KREMEN1: variants seen among roughly 807,000 people sequenced by gnomAD.
The protein encoded by KREMEN1 is kringle containing transmembrane protein 1.
A neutral mutation model predicts 46.5 loss-of-function variants in KREMEN1; 30 were observed. That is an observed-to-expected ratio of 0.65 (90% CI 0.48 to 0.88). The LOEUF is 0.88. KREMEN1 is among the 40% of genes least tolerant of loss of function. The pLI, the probability that KREMEN1 is intolerant of heterozygous loss-of-function variation, is 0.00. For missense variants in KREMEN1, 533 were observed against 596.9 expected, an observed-to-expected ratio of 0.89 and a Z score of 1.11; for synonymous variants, 214 against 230.6, an observed-to-expected ratio of 0.93 and a Z score of 0.65.
At chr22:29,109,223 C>T (rs923725414) in intron 3 of KREMEN1, among the ~76,000 whole-genome samples, 1 of 152,118 alleles carries the variant, frequency 6.6e-6, no homozygotes, top group Non-Finnish European at 1.5e-5. Flanking sequence ...GTCACAGATA[C>T]AAATGTTCTA....
At chr22:29,113,738 C>G (rs1478780158) in intron 3 of KREMEN1, among the ~76,000 whole-genome samples, 12 of 152,140 alleles carry the variant, frequency 7.9e-5, no homozygotes, top group Non-Finnish European at 4.4e-5. Context: ...CAGTGCCCTT[C>G]AGAACATTAT....
chr22:29,149,456 C>T (rs1004917554), downstream of KREMEN1, among the ~76,000 whole-genome samples: 7 of 152,268 alleles, frequency 4.6e-5, no homozygotes, highest in East Asian at 3.9e-4. Flanking sequence ...CCACCGCGTC[C>T]GACCCATGAT....
At chr22:29,077,537 C>T (rs551881466) in intron 1 of KREMEN1, among the ~76,000 whole-genome samples, 7 of 152,216 alleles carry the variant, frequency 4.6e-5, no homozygotes, top group South Asian at 2.1e-4. Flanking sequence ...TTAGTAGAGA[C>T]GGGGTTTCAC....
chr22:29,124,413 T>C (rs1456360030), intron 4 of KREMEN1, among the ~76,000 whole-genome samples: 1 of 151,904 alleles, frequency 6.6e-6, no homozygotes, highest in African/African-American at 2.4e-5. Context: ...GGAGGGGGCC[T>C]ATAAAGCAAT....
At chr22:29,161,785 C>A (rs1198136934) in intron 9 of KREMEN1, among the ~76,000 whole-genome samples, 2 of 151,962 alleles carry the variant, frequency 1.3e-5, no homozygotes, top group African/African-American at 4.8e-5. Flanking sequence ...ATAGACACAA[C>A]AATCCTCAAC....
At chr22:29,138,422 T>C (rs1472443556) in intron 6 of KREMEN1, among the ~76,000 whole-genome samples, 4 of 152,218 alleles carry the variant, frequency 2.6e-5, no homozygotes, top group African/African-American at 4.8e-5. Context: ...TTCTGTGAAG[T>C]TGACAGGTTC....
At chr22:29,119,541 C>A (rs2038297148) in intron 3 of KREMEN1, among the ~76,000 whole-genome samples, 1 of 152,180 alleles carries the variant, frequency 6.6e-6, no homozygotes, top group Non-Finnish European at 1.5e-5. Context: ...CCAAGAGTTG[C>A]CTCATTAGAA....
chr22:29,098,185 C>T (rs1276018578), intron 2 of KREMEN1, among the ~76,000 whole-genome samples: 1 of 134,252 alleles, frequency 7.4e-6, no homozygotes, highest in Non-Finnish European at 1.6e-5. Flanking sequence ...GAGTTTGTCT[C>T]AAAAAAAAAA....
intron 5 of KREMEN1, among the ~76,000 whole-genome samples, chr22:29,132,004 C>A (rs1448128403): frequency 1.3e-5 from 2 of 149,570 alleles, no homozygotes; most frequent in Non-Finnish European, 3.0e-5. Flanking sequence ...TCCGGAGTAG[C>A]TGGGATTACA....
chr22:29,137,314 G>A, intron 5 of KREMEN1, 28 bp from the exon 6 acceptor site: 1 of 1,433,822 alleles, frequency 7.0e-7, no homozygotes, highest in East Asian at 2.4e-5. Context: ...CCCAGACTGA[G>A]GGCGTGGTGT....
At chr22:29,074,490 C>T (rs1288145514) in intron 1 of KREMEN1, among the ~76,000 whole-genome samples, 2 of 152,260 alleles carry the variant, frequency 1.3e-5, no homozygotes, top group Non-Finnish European at 2.9e-5. Context: ...TTAACTTCCA[C>T]ACGCAACCTT....
Position 29,113,600 on chromosome 22 carries a change from C to T in KREMEN1, c.353-7757C>T, listed in dbSNP as rs147787311. ...TTTCTCACAAGAACCCTTTGAGGTC[C>T]GTATTGATTCTCATTCCGCTGTTGA... On this transcript the variant is annotated intron_variant, in intron 3 of 8. Coordinates refer to ENST00000400335, the MANE Select transcript of KREMEN1 (RefSeq NM_001039570.3). Among the ~76,000 whole-genome samples, 8 of 152,222 alleles carry T rather than the reference C, an allele frequency of 5.3e-5. No homozygotes were observed. The South Asian group carries it at 6.2e-4, about 12-fold the overall frequency.
chr22:29,088,392 G>A (rs1279737835), intron 1 of KREMEN1, among the ~76,000 whole-genome samples: 3 of 152,070 alleles, frequency 2.0e-5, no homozygotes, highest in East Asian at 1.9e-4. Context: ...GCCTTGGTGC[G>A]ATCTTGGCTC....
intron 9 of KREMEN1, chr22:29,154,760 G>A (rs2038946758): frequency 6.6e-6 from 1 of 152,248 alleles, no homozygotes; most frequent in South Asian, 2.1e-4. Context: ...CTACTCTGGA[G>A]GCTGAGAGGA....
intron 3 of KREMEN1, among the ~76,000 whole-genome samples, chr22:29,113,172 C>T (rs1265965603): frequency 6.6e-6 from 1 of 152,210 alleles, no homozygotes; most frequent in East Asian, 1.9e-4. Flanking sequence ...CTGGAGCTTA[C>T]CCTGGCTCTC....
chr22:29,080,101 C>A lies in KREMEN1; in HGVS notation c.97+6874C>A, dbSNP rs1249086381. 2.6e-5 allele frequency among the ~76,000 whole-genome samples: 4 copies of A among 152,304 alleles called. No homozygotes were observed. The East Asian group carries it at 7.7e-4, about 29-fold the overall frequency. The stretch of plus-strand genomic sequence containing the variant: ...ATTCCTATGTCTATGGGGAAATAAA[C>A]AGGATGGGGACTGTCCTTTTAAGGG... On this transcript the variant is annotated intron_variant, in intron 1 of 8. Coordinates refer to ENST00000400335, the MANE Select transcript of KREMEN1 (RefSeq NM_001039570.3).
intron 9 of KREMEN1, among the ~76,000 whole-genome samples, chr22:29,163,317 C>G (rs983886593): frequency 2.0e-5 from 3 of 152,074 alleles, no homozygotes; most frequent in African/African-American, 7.2e-5. Context: ...GCAAATAATG[C>G]GAAACTGTGA....
rs1380627650 is a variant in KREMEN1, at chr22:29,137,360, G to A, written c.650G>A (p.Gly217Asp). The A allele has an allele frequency of 6.7e-7, 1 of 1,486,536 alleles. No homozygotes were observed. Among genetic ancestry groups the A allele is most frequent in the East Asian group, 2.3e-5 (1 of 42,766 alleles). 92.1% of individuals were successfully genotyped at this position (1,486,536 alleles called of 1,614,324 possible). ...ILFDTLVGAC[G>D]GNYSAMSSVV... ...CCTACAGCTCTCGTGGGCGCCTGCG[G>A]TGGGAACTACTCAGCCATGTCTTCT... The change falls in exon 6 of 9, where the codon GGT (glycine) becomes GAT (aspartate). Residue 217 changes from glycine (G) to aspartate (D), a missense_variant. Gly to Asp is a moderately conservative substitution (Grantham distance 94). Transcript: ENST00000400335.
chr22:29,077,457 C>T (rs2037591568), intron 1 of KREMEN1, among the ~76,000 whole-genome samples: 1 of 152,206 alleles, frequency 6.6e-6, no homozygotes, highest in South Asian at 2.1e-4. Context: ...TCTAGCAGTT[C>T]TCCTGCCTCA....
Sources: gnomAD v4.1 joint callset for allele counts (sites outside exome capture counted in the v4.1 genomes callset) on GRCh38, gnomAD v4.1.1 for gene constraint, MANE v1.5 for transcripts, NCBI Gene and HGNC (gene_info 2026-07-23, HGNC 2026-07-21) for gene names.